The following DNAH14 variants were observed in gnomAD, a reference collection of about 807,000 sequenced individuals.
The protein encoded by DNAH14 is axonemal beta dynein heavy chain 14.
DNAH14 carries 478 observed loss-of-function variants against 520.9 expected under a neutral mutation model. That is an observed-to-expected ratio of 0.92 (90% CI 0.85 to 0.99). DNAH14 has a LOEUF of 0.99. Among genes scored for constraint, DNAH14 ranks in the 50% least tolerant of loss-of-function variants. DNAH14 has a pLI of 0.00. For synonymous variants in DNAH14, 1,581 were observed against 1,757.2 expected (o/e 0.90, Z 2.51); for missense variants, 4,831 against 5,234.5 (o/e 0.92, Z 2.38).
intron 17 of DNAH14, among the ~76,000 whole-genome samples, chr1:225,075,704 AATTATTTCTCAGTCAGTTC>A (rs996695771): frequency 2.0e-5 from 3 of 152,038 alleles, no homozygotes; most frequent in Non-Finnish European, 4.4e-5. Flanking sequence ...AGTTATTGTG[AATTATTTCTCAGTCAGTTC>A]ATACAACTCT....
intron 8 of DNAH14, among the ~76,000 whole-genome samples, chr1:224,980,390 C>A (rs2125691192): frequency 6.6e-6 from 1 of 152,126 alleles, no homozygotes; most frequent in South Asian, 2.1e-4. Flanking sequence ...CGGGGATTTC[C>A]TCTGCCTGTG....
intron 15 of DNAH14, among the ~76,000 whole-genome samples, chr1:225,049,712 A>AT (rs2068325662): frequency 2.0e-5 from 3 of 152,160 alleles, no homozygotes; most frequent in Admixed American, 1.3e-4. Context: ...CTTGAGTTGA[A>AT]TTTTTTAATA....
intron 36 of DNAH14, among the ~76,000 whole-genome samples, chr1:225,176,977 C>CAGAGGTTGG (rs1308075987): frequency 1.1e-4 from 16 of 152,054 alleles, no homozygotes; most frequent in African/African-American, 3.6e-4. Flanking sequence ...GGGTAACAGG[C>CAGAGGTTGG]AGAGGTTGGA....
intron 21 of DNAH14, among the ~76,000 whole-genome samples, chr1:225,087,356 C>T (rs568938481): frequency 6.6e-6 from 1 of 152,288 alleles, no homozygotes; most frequent in East Asian, 1.9e-4. Context: ...AGGGCAGAGC[C>T]CTCATGATCT....
At chr1:224,981,874 A>G (rs966360365) in intron 8 of DNAH14, among the ~76,000 whole-genome samples, 5 of 152,174 alleles carry the variant, frequency 3.3e-5, no homozygotes, top group African/African-American at 1.2e-4. Context: ...TTAAAGGGAA[A>G]TATTAGGGAA....
chr1:225,245,289 G>A (rs1431740410), intron 43 of DNAH14, among the ~76,000 whole-genome samples: 1 of 151,946 alleles, frequency 6.6e-6, no homozygotes, highest in Non-Finnish European at 1.5e-5. Context: ...TAGAATAAGT[G>A]CTATGTGGTG....
Position 225,159,447 on chromosome 1 carries a change from G to A in DNAH14, c.5407G>A (p.Glu1803Lys). 1 of 1,539,354 alleles carries A rather than the reference G, an allele frequency of 6.5e-7. No individual in the cohort carries two copies. Among genetic ancestry groups the A allele is most frequent in the Non-Finnish European group, 8.8e-7 (1 of 1,142,618 alleles). Residue 1803 changes from glutamate to lysine, a missense_variant, in exon 35 of 86, where the codon GAA (glutamate) becomes AAA (lysine). Glu to Lys is a moderately conservative substitution (Grantham distance 56). Transcript: ENST00000682510. ...FENIIGDIFPEVTVLKVNQLA... is the reference protein window; with the variant it reads ...FENIIGDIFPKVTVLKVNQLA... ...AAATATTATAGGAGATATTTTTCCA[G>A]AAGTGACAGTTTTGAAAGTAAATCA...
intron 10 of DNAH14, among the ~76,000 whole-genome samples, chr1:225,022,390 T>C (rs2065777379): frequency 6.6e-6 from 1 of 151,516 alleles, no homozygotes; most frequent in Admixed American, 6.6e-5. Flanking sequence ...ATAAGGCTCT[T>C]TAACACCCCA....
At position 224,955,244 on chromosome 1, in the gene DNAH14, G is replaced by A; in HGVS notation, c.217+146G>A. On this transcript the variant is annotated intron_variant, in intron 3 of 85. Coordinates refer to ENST00000682510, the MANE Select transcript of DNAH14 (RefSeq NM_001367479.1). ...TATTTTACTAACTTCATTAGTTATAGCAGTTAGCAGTGTCTTCAAATAACG... is the reference window on the plus strand; with the variant it reads ...TATTTTACTAACTTCATTAGTTATAACAGTTAGCAGTGTCTTCAAATAACG... 6 of 815,114 alleles carry A rather than the reference G, an allele frequency of 7.4e-6. No homozygotes were observed. In the South Asian group the frequency reaches 9.9e-5, roughly 13 times the overall value. The allele number at this position is 815,114 out of a possible 1,614,324, so 50.5% of individuals were successfully genotyped here.
At chr1:225,335,372 T>TGTGTATGCACATATACAC (rs1574855960) in intron 66 of DNAH14, among the ~76,000 whole-genome samples, 1 of 61,346 alleles carries the variant, frequency 1.6e-5, no homozygotes, top group South Asian at 6.4e-4. Context: ...CGTGTACATG[T>TGTGTATGCACATATACAC]GTGTGTATAT....
At chr1:225,176,513 T>C (rs1004954947) in intron 36 of DNAH14, among the ~76,000 whole-genome samples, 1 of 143,278 alleles carries the variant, frequency 7.0e-6, no homozygotes, top group Non-Finnish European at 1.5e-5. Context: ...CTATATGAGT[T>C]ATCCATTGAT....
chr1:225,046,070 T>C (rs1332802720), intron 15 of DNAH14, among the ~76,000 whole-genome samples: 1 of 151,770 alleles, frequency 6.6e-6, no homozygotes, highest in African/African-American at 2.4e-5. Context: ...TTTATTTATA[T>C]GAATATGGAT....
At chr1:225,389,665 GCCCACATCA>G in intron 82 of DNAH14, 60 bp from the exon 83 acceptor site, 2 of 1,490,730 alleles carry the variant, frequency 1.3e-6, no homozygotes, top group Non-Finnish European at 1.8e-6. Context: ...GGAGGAAATG[GCCCACATCA>G]CCCAAAGGTG....
chr1:225,231,078 G>A lies in DNAH14; in HGVS notation c.6445G>A (p.Asp2149Asn). The change falls in exon 42 of 86, where the codon GAT (aspartate) becomes AAT (asparagine). Residue 2149 changes from aspartate to asparagine, a missense_variant. Asp to Asn is a conservative substitution (Grantham distance 23). Transcript: ENST00000682510. The part of the protein sequence containing the change: ...GKNGGFEQSD[D>N]LNDTSSKEAN... Reference sequence around the variant, plus strand: ...AATACTCTTTCCTTTTTAAGGTGATGATTTGAATGACACGTCATCTAAGGA... The same window carrying A: ...AATACTCTTTCCTTTTTAAGGTGATAATTTGAATGACACGTCATCTAAGGA... 1 of 1,546,290 alleles carries A rather than the reference G, an allele frequency of 6.5e-7. No homozygotes were observed. Among genetic ancestry groups the A allele is most frequent in the Non-Finnish European group, 8.7e-7 (1 of 1,144,634 alleles).
intron 42 of DNAH14, among the ~76,000 whole-genome samples, chr1:225,233,409 T>C (rs1383575044): frequency 6.6e-6 from 1 of 152,220 alleles, no homozygotes; most frequent in African/African-American, 2.4e-5. Flanking sequence ...GTTGAACTAA[T>C]TTACACTCCC....
rs1420079223 is a variant in DNAH14 at position 225,266,439 on chromosome 1, T to G, written c.7411-202T>G. On this transcript the variant is annotated intron_variant, in intron 48 of 85. Transcript: ENST00000682510. Reference sequence around the variant, plus strand: ...TGTCTGCTATTTTGAAAACTTACTGTTTTTAAAAATCATATCTTCCAAATA... The same window carrying G: ...TGTCTGCTATTTTGAAAACTTACTGGTTTTAAAAATCATATCTTCCAAATA... 2.0e-5 allele frequency among the ~76,000 whole-genome samples: 3 copies of G among 152,188 alleles called. No individual in the cohort carries two copies. The South Asian group carries it at 6.2e-4, about 31-fold the overall frequency.
chr1:225,398,543 A>G lies in DNAH14; in HGVS notation c.13515A>G (p.Gly4505=), dbSNP rs2150927409. The G allele has an allele frequency of 6.4e-7, 1 of 1,551,680 alleles. No individual in the cohort carries two copies. The highest frequency in any genetic ancestry group is 2.4e-5 in the East Asian group (1 of 40,920). ...AGGGCTCAGCTTCCTCTCACACTGG[A>G]GTTTACATTTTTGGTTTATTCATCG... ...AFKGSASSHT[G]VYIFGLFIEG... is the part of the protein sequence containing the mutation. The change falls in exon 85 of 86, where the codon GGA becomes GGG. Residue 4505 remains glycine, a synonymous_variant. Transcript: ENST00000682510.
chr1:225,399,217 G>C lies in DNAH14; in HGVS notation c.13802G>C (p.Ser4601Thr), dbSNP rs1490703338. The C allele has an allele frequency of 6.4e-7, 1 of 1,551,628 alleles. No homozygotes were observed. Among genetic ancestry groups the C allele is most frequent in the Non-Finnish European group, 8.7e-7 (1 of 1,146,970 alleles). ...SVYLSTKKPP[S>T]HWITMRVALL... is the part of the protein sequence containing the mutation. The stretch of plus-strand genomic sequence containing the variant: ...TATTTATCAACGAAGAAACCTCCTA[G>C]TCACTGGATCACAATGCGGGTTGCA... The change falls in exon 86 of 86, where the codon AGT (serine) becomes ACT (threonine). Residue 4601 changes from serine to threonine, a missense_variant. Ser to Thr is a moderately conservative substitution (Grantham distance 58). Coordinates refer to ENST00000682510, the MANE Select transcript of DNAH14 (RefSeq NM_001367479.1).
intron 3 of DNAH14, among the ~76,000 whole-genome samples, chr1:224,956,242 A>C (rs1036988932): frequency 1.3e-5 from 2 of 152,024 alleles, no homozygotes; most frequent in Non-Finnish European, 2.9e-5. Context: ...GTCTGCCAAA[A>C]TTAGTGTTTC....
Sources: allele counts gnomAD v4.1 joint callset (sites outside exome capture counted in the v4.1 genomes callset), GRCh38; gene constraint gnomAD v4.1.1; transcripts MANE v1.5; gene names NCBI Gene and HGNC (gene_info 2026-07-23, HGNC 2026-07-21).